RALYL: variants seen among roughly 807,000 people sequenced by gnomAD.
RALYL encodes the protein RALY RNA binding protein like.
A neutral mutation model predicts 35.1 loss-of-function variants in RALYL; 29 were observed. The observed-to-expected ratio is 0.83, with a 90% CI of 0.61 to 1.13. The LOEUF (loss-of-function observed/expected upper bound fraction) is 1.13. Among genes scored for constraint, RALYL ranks in the 50% most tolerant of loss-of-function variants. The pLI, the probability that RALYL is intolerant of heterozygous loss-of-function variation, is 0.00. For synonymous variants in RALYL, 120 were observed against 127.6 expected (o/e 0.94, Z 0.40); for missense variants, 359 against 360.4 (o/e 1.00, Z 0.03).
intron 2 of RALYL, among the ~76,000 whole-genome samples, chr8:84,611,530 A>G (rs1818309556): frequency 6.6e-6 from 1 of 152,144 alleles, no homozygotes; most frequent in African/African-American, 2.4e-5. Flanking sequence ...TCATACATGT[A>G]TATGAATGAA....
intron 2 of RALYL, among the ~76,000 whole-genome samples, chr8:84,688,265 T>C (rs1837252931): frequency 6.6e-6 from 1 of 152,008 alleles, no homozygotes; most frequent in Non-Finnish European, 1.5e-5. Flanking sequence ...ATCTAGAATG[T>C]TAGGTGACAA....
intron 2 of RALYL, among the ~76,000 whole-genome samples, chr8:84,576,005 G>A (rs1322765382): frequency 2.7e-5 from 4 of 148,666 alleles, no homozygotes; most frequent in Non-Finnish European, 4.4e-5. Context: ...TATGAAACAA[G>A]TTATTATTCT....
At chr8:84,608,050 C>T (rs897927209) in intron 2 of RALYL, among the ~76,000 whole-genome samples, 3 of 151,806 alleles carry the variant, frequency 2.0e-5, no homozygotes, top group Admixed American at 1.3e-4. Context: ...TATCTTGTTG[C>T]GGTCTAGAAA....
At chr8:84,734,544 T>C (rs1201010190) in intron 2 of RALYL, among the ~76,000 whole-genome samples, 2 of 152,106 alleles carry the variant, frequency 1.3e-5, no homozygotes, top group East Asian at 3.9e-4. Context: ...TCAATCAGTA[T>C]AGAGAAACAG....
intron 1 of RALYL, among the ~76,000 whole-genome samples, chr8:84,250,339 G>T (rs1309657458): frequency 6.6e-6 from 1 of 151,854 alleles, no homozygotes; most frequent in Non-Finnish European, 1.5e-5. Context: ...GCAGTCCAGA[G>T]ATGTTATGTT....
At chr8:84,457,461 A>G (rs893796695) in intron 1 of RALYL, among the ~76,000 whole-genome samples, 8 of 151,956 alleles carry the variant, frequency 5.3e-5, no homozygotes, top group African/African-American at 1.7e-4. Flanking sequence ...TGTCTTTAGC[A>G]GTTCTAATGA....
At chr8:84,777,920 C>T (rs143613801) in intron 3 of RALYL, among the ~76,000 whole-genome samples, 35 of 152,258 alleles carry the variant, frequency 2.3e-4, no homozygotes, top group Non-Finnish European at 1.2e-4. Context: ...GGATTACAGG[C>T]GTGAGCCACC....
intron 1 of RALYL, among the ~76,000 whole-genome samples, chr8:84,264,763 T>C (rs1351926867): frequency 2.0e-5 from 3 of 152,116 alleles, no homozygotes; most frequent in Non-Finnish European, 4.4e-5. Flanking sequence ...TGTGAGCTCT[T>C]GAAATCAACA....
chr8:84,772,593 T>A (rs149476383), intron 2 of RALYL, among the ~76,000 whole-genome samples: 1 of 152,224 alleles, frequency 6.6e-6, no homozygotes, highest in Admixed American at 6.5e-5. Context: ...TCTTTTATAG[T>A]ATGTAAATAA....
At chr8:84,527,215 A>G (rs894008996) in intron 1 of RALYL, among the ~76,000 whole-genome samples, 7 of 152,222 alleles carry the variant, frequency 4.6e-5, no homozygotes, top group Non-Finnish European at 8.8e-5. Flanking sequence ...AATTAGAATT[A>G]CACAGTTGTC....
chr8:84,416,982 T>G (rs1177000166), intron 1 of RALYL, among the ~76,000 whole-genome samples: 1 of 152,186 alleles, frequency 6.6e-6, no homozygotes, highest in East Asian at 1.9e-4. Context: ...TTCTCTTATT[T>G]TCTTCCTTTT....
chr8:84,519,469 T>A (rs2058300483), intron 1 of RALYL, among the ~76,000 whole-genome samples: 1 of 152,160 alleles, frequency 6.6e-6, no homozygotes, highest in Non-Finnish European at 1.5e-5. Flanking sequence ...GTGATTGGTG[T>A]CTTCTCTAAG....
At chr8:84,722,649 G>GTATA (rs1844195453) in intron 2 of RALYL, among the ~76,000 whole-genome samples, 1 of 99,800 alleles carries the variant, frequency 1.0e-5, no homozygotes, top group Non-Finnish European at 1.9e-5. Context: ...ATATATATAT[G>GTATA]TATGTATATA....
rs544859286 is a variant in RALYL at position 84,542,893 on chromosome 8, T to A, written c.256+13316T>A. Among the ~76,000 whole-genome samples the A allele has an allele frequency of 1.7e-4, 26 of 152,312 alleles. No individual in the cohort carries two copies. The East Asian group carries it at 4.0e-3, about 24-fold the overall frequency. On this transcript the variant is annotated intron_variant, in intron 2 of 8. Coordinates refer to ENST00000521268, the MANE Select transcript of RALYL (RefSeq NM_173848.7). ...TGAAATTCATAAAAGATACAGAGAT[T>A]GAGATTCATTGACACGTCCCTTAAG...
intron 1 of RALYL, among the ~76,000 whole-genome samples, chr8:84,476,486 G>T (rs907885142): frequency 2.0e-5 from 3 of 152,116 alleles, no homozygotes; most frequent in African/African-American, 7.2e-5. Flanking sequence ...TGCTACTTCA[G>T]CTCTTACTGT....
chr8:84,185,883 T>A (rs993811155), intron 1 of RALYL, among the ~76,000 whole-genome samples: 1 of 152,182 alleles, frequency 6.6e-6, no homozygotes, highest in Non-Finnish European at 1.5e-5. Context: ...AACCTCAGTT[T>A]GTGGAATGAA....
chr8:84,226,658 T>G lies in RALYL; in HGVS notation c.-24+42234T>G, dbSNP rs114298350. On this transcript the variant is annotated intron_variant, in intron 1 of 8. Transcript: ENST00000521268. ...CATCTACATCTACTACCCTTTCAAT[T>G]GTACTTAGCTGAAGACTTCTTTAGA... Among the ~76,000 whole-genome samples, 717 of 152,312 alleles carry G rather than the reference T, an allele frequency of 4.7e-3. 6 individuals are homozygous for G. The highest frequency in any genetic ancestry group is 0.017 in the African/African-American group (688 of 41,566).
chr8:84,471,599 T>C (rs1270664581), intron 1 of RALYL, among the ~76,000 whole-genome samples: 2 of 152,062 alleles, frequency 1.3e-5, no homozygotes, highest in African/African-American at 4.8e-5. Context: ...GACTGGTTTC[T>C]CAGTCTCACA....
chr8:84,643,190 C>T (rs1826758914), intron 2 of RALYL, among the ~76,000 whole-genome samples: 1 of 151,730 alleles, frequency 6.6e-6, no homozygotes, highest in Non-Finnish European at 1.5e-5. Flanking sequence ...CAAACAGTCC[C>T]CCCACCCCCA....
Sources: allele counts gnomAD v4.1 joint callset (sites outside exome capture counted in the v4.1 genomes callset), GRCh38; gene constraint gnomAD v4.1.1; transcripts MANE v1.5; gene names NCBI Gene and HGNC (gene_info 2026-07-23, HGNC 2026-07-21).